Variants in BRIP1 observed in about 807,000 individuals in gnomAD.
BRIP1 encodes Fanconi anemia group J protein.
Under a neutral mutation model 119.7 loss-of-function variants are expected in BRIP1, and 88 were observed. The observed-to-expected ratio is 0.74, with a 90% CI of 0.62 to 0.88. The LOEUF (loss-of-function observed/expected upper bound fraction) is 0.88, where lower values mean the gene tolerates loss of function less well. BRIP1 is among the 40% of genes least tolerant of loss of function. BRIP1 has a pLI of 0.00. For missense variants in BRIP1, 1,259 were observed against 1,455.4 expected (o/e 0.87, Z 2.20); for synonymous variants, 443 against 496.5 (o/e 0.89, Z 1.43).
Position 61,739,879 on chromosome 17 carries a change from A to G in BRIP1, c.2379+3134T>C, listed in dbSNP as rs1367252431. 1.3e-5 allele frequency among the ~76,000 whole-genome samples: 2 copies of G among 152,206 alleles called. No homozygotes were observed. The highest frequency in any genetic ancestry group is 2.9e-5 in the Non-Finnish European group (2 of 68,030). On this transcript the variant is annotated intron_variant, in intron 16 of 19. Transcript: ENST00000259008. The surrounding 1 kb of genome is among the most constrained non-coding windows in gnomAD (Gnocchi z 6.0). ...CAACTTAGGCTCAAATTATTACTAT[A>G]GTTTTTCAAATATATTGTTTAGGAA... is the stretch of plus-strand genomic sequence containing the variant.
intron 17 of BRIP1, among the ~76,000 whole-genome samples, chr17:61,702,863 C>A (rs1314790559): frequency 6.6e-6 from 1 of 152,016 alleles, no homozygotes; most frequent in Non-Finnish European, 1.5e-5. Context: ...TCTGCTTTAA[C>A]TTCTTTCAGA....
intron 18 of BRIP1, among the ~76,000 whole-genome samples, chr17:61,688,750 C>A: frequency 6.9e-6 from 1 of 145,604 alleles, no homozygotes. Context: ...CAGAAACCAA[C>A]CCTTAAAAAA....
Position 61,852,610 on chromosome 17 carries a change from G to A in BRIP1, c.380-3354C>T, listed in dbSNP as rs1473074187. ...TTGAGCCTGGGAGCTGGCCAGTGCA[G>A]TGAGTTGAGATCGCACCACTGCACT... On this transcript the variant is annotated intron_variant, in intron 4 of 19. Coordinates refer to ENST00000259008, the MANE Select transcript of BRIP1 (RefSeq NM_032043.3). This position sits in a 1 kb window ranked among gnomAD's most constrained non-coding sequence, Gnocchi z 4.9. Among the ~76,000 whole-genome samples, 2 of 152,186 alleles carry A rather than the reference G, an allele frequency of 1.3e-5. No homozygotes were observed. Among genetic ancestry groups the A allele is most frequent in the African/African-American group, 4.8e-5 (2 of 41,448 alleles).
chr17:61,720,187 A>T lies in BRIP1; in HGVS notation c.2380-4124T>A, dbSNP rs1326787572. Among the ~76,000 whole-genome samples, 7 of 152,176 alleles carry T rather than the reference A, an allele frequency of 4.6e-5. No individual in the cohort carries two copies. The highest frequency in any genetic ancestry group is 4.6e-4 in the Admixed American group (7 of 15,264). On this transcript the variant is annotated intron_variant, in intron 16 of 19. Transcript: ENST00000259008. This position sits in a 1 kb window ranked among gnomAD's most constrained non-coding sequence, Gnocchi z 4.3. ...CAGCTAGATAGAAGGAATAAGTTCT[A>T]ATCTTTTATACCACAGTAGGATGAC...
rs2078204016 is a variant in BRIP1 at position 61,814,128 on chromosome 17, A to C, written c.628-5371T>G. Among the ~76,000 whole-genome samples the C allele has an allele frequency of 6.6e-6, 1 of 152,112 alleles. No homozygotes were observed. The highest frequency in any genetic ancestry group is 6.5e-5 in the Admixed American group (1 of 15,268). ...TCAGCAAAAGAGCCAGACAGTAAAC[A>C]TTTCAAGCTTCAAAGGCTATATGGT... On this transcript the variant is annotated intron_variant, in intron 6 of 19. Coordinates refer to ENST00000259008, the MANE Select transcript of BRIP1 (RefSeq NM_032043.3). This position sits in a 1 kb window ranked among gnomAD's most constrained non-coding sequence, Gnocchi z 4.9.
At chr17:61,858,378 T>C (rs72843737) in intron 3 of BRIP1, among the ~76,000 whole-genome samples, 9,863 of 151,312 alleles carry the variant, frequency 0.065, 550 homozygotes, top group South Asian at 0.3. Flanking sequence ...ATTTACTGTT[T>C]TTTTTTTTTT....
In BRIP1 at chr17:61,691,406, C is replaced by A. The variant is rs1425921934; in HGVS notation, c.2575+2024G>T. Among the ~76,000 whole-genome samples, 3 of 151,982 alleles carry A rather than the reference C, an allele frequency of 2.0e-5. No individual in the cohort carries two copies. The highest frequency in any genetic ancestry group is 7.2e-5 in the African/African-American group (3 of 41,380). ...ATAACACAAATAAATGGAAAGATATCCCATGTTCACAGATTGGAACACCTA... is the reference window on the plus strand; with the variant it reads ...ATAACACAAATAAATGGAAAGATATACCATGTTCACAGATTGGAACACCTA... On this transcript the variant is annotated intron_variant, in intron 18 of 19. Transcript: ENST00000259008. This position sits in a 1 kb window ranked among gnomAD's most constrained non-coding sequence, Gnocchi z 5.0.
intron 6 of BRIP1, among the ~76,000 whole-genome samples, chr17:61,819,225 A>T (rs1251098446): frequency 1.3e-5 from 2 of 152,150 alleles, no homozygotes; most frequent in African/African-American, 4.8e-5. Flanking sequence ...AACACAAGCA[A>T]TAACAAATGC....
At chr17:61,711,534 A>G (rs11654606) in intron 17 of BRIP1, among the ~76,000 whole-genome samples, 51,345 of 151,884 alleles carry the variant, frequency 0.34, 8,893 homozygotes, top group East Asian at 0.49. Flanking sequence ...GACCTGAATC[A>G]CTCAGTTTGA....
rs2076979605 is a variant in BRIP1 at position 61,740,979 on chromosome 17, T to C, written c.2379+2034A>G. 6.6e-6 allele frequency among the ~76,000 whole-genome samples: 1 copy of C among 152,218 alleles called. No individual in the cohort carries two copies. Among genetic ancestry groups the C allele is most frequent in the African/African-American group, 2.4e-5 (1 of 41,456 alleles). On this transcript the variant is annotated intron_variant, in intron 16 of 19. Coordinates refer to ENST00000259008, the MANE Select transcript of BRIP1 (RefSeq NM_032043.3). This position sits in a 1 kb window ranked among gnomAD's most constrained non-coding sequence, Gnocchi z 5.4. The stretch of plus-strand genomic sequence containing the variant: ...CAATAGATTTCTCTGTGGCATAAGA[T>C]GCTCTTTGATAGCATTTTACCCAAC...
At chr17:61,819,275 T>G (rs1421846316) in intron 6 of BRIP1, among the ~76,000 whole-genome samples, 2 of 151,990 alleles carry the variant, frequency 1.3e-5, no homozygotes, top group African/African-American at 4.8e-5. Context: ...CATACACCGT[T>G]GGTGGGAATG....
chr17:61,711,018 A>T (rs1603290791), intron 17 of BRIP1, among the ~76,000 whole-genome samples: 1 of 144,436 alleles, frequency 6.9e-6, no homozygotes, highest in African/African-American at 2.5e-5. Context: ...TGGGCGACAG[A>T]GCGAGACTCC....
rs1357467642 is a variant in BRIP1 at position 61,705,816 on chromosome 17, A to G, written c.2492+10135T>C. ...AAACTTGCTGTTTTGCCTGTGGATTATTTAGAAATATGCTGCTTAATTTCC... is the reference window on the plus strand; with the variant it reads ...AAACTTGCTGTTTTGCCTGTGGATTGTTTAGAAATATGCTGCTTAATTTCC... On this transcript the variant is annotated intron_variant, in intron 17 of 19. Transcript: ENST00000259008. This position sits in a 1 kb window ranked among gnomAD's most constrained non-coding sequence, Gnocchi z 5.0. 6.6e-6 allele frequency among the ~76,000 whole-genome samples: 1 copy of G among 152,250 alleles called. No homozygotes were observed. The highest frequency in any genetic ancestry group is 1.5e-5 in the Non-Finnish European group (1 of 67,986).
Position 61,846,226 on chromosome 17 carries a change from TAGAG to T in BRIP1, c.627+871_627+874del, listed in dbSNP as rs922141689. Among the ~76,000 whole-genome samples, 32 of 141,044 alleles carry T rather than the reference TAGAG, an allele frequency of 2.3e-4. No homozygotes were observed. The highest frequency in any genetic ancestry group is 4.0e-4 in the East Asian group (2 of 5,036). 92.5% of individuals were successfully genotyped at this position (141,044 alleles called of 152,430 possible). On this transcript the variant is annotated intron_variant, in intron 6 of 19. Coordinates refer to ENST00000259008, the MANE Select transcript of BRIP1 (RefSeq NM_032043.3). The surrounding 1 kb of genome is among the most constrained non-coding windows in gnomAD (Gnocchi z 4.3). ...ATAAATTTAAAAAATTATATACATA[TAGAG>T]AGAGAGAGAGAGAAAAAGAGAGAGA...
At position 61,775,920 on chromosome 17, in the gene BRIP1, G is replaced by C. The variant is rs1270110174; in HGVS notation, c.2097+481C>G. 1 of 168,416 alleles carries C rather than the reference G, an allele frequency of 5.9e-6. No individual in the cohort carries two copies. Among genetic ancestry groups the C allele is most frequent in the Non-Finnish European group, 1.3e-5 (1 of 77,378 alleles). 10.4% of individuals were successfully genotyped at this position (168,416 alleles called of 1,614,324 possible). A position where few individuals can be genotyped will look rare whatever the true frequency, so the allele number is the denominator to read the frequency against. On this transcript the variant is annotated intron_variant, in intron 14 of 19. Coordinates refer to ENST00000259008, the MANE Select transcript of BRIP1 (RefSeq NM_032043.3). The surrounding 1 kb of genome is among the most constrained non-coding windows in gnomAD (Gnocchi z 4.4). The stretch of plus-strand genomic sequence containing the variant: ...TTTATTTTAGAGAGAGTCTTATTCT[G>C]TTGCCCACGCTGGAGTGCAGGGGTG...
In BRIP1 at chr17:61,684,571, A is replaced by C. The variant is rs1158652366; in HGVS notation, c.2906-431T>G. ...TGACATAAGGCTAAGTTATTTGCTC[A>C]AAGTTATAAAACTGGTTAGTAAGAA... On this transcript the variant is annotated intron_variant, in intron 19 of 19. Transcript: ENST00000259008. The surrounding 1 kb of genome is among the most constrained non-coding windows in gnomAD (Gnocchi z 4.5). Among the ~76,000 whole-genome samples the C allele has an allele frequency of 6.6e-6, 1 of 152,200 alleles. No homozygotes were observed. Among genetic ancestry groups the C allele is most frequent in the Non-Finnish European group, 1.5e-5 (1 of 68,028 alleles).
Position 61,770,224 on chromosome 17 carries a change from G to A in BRIP1, c.2097+6177C>T, listed in dbSNP as rs1168502864. Among the ~76,000 whole-genome samples, 3 of 152,184 alleles carry A rather than the reference G, an allele frequency of 2.0e-5. No homozygotes were observed. Among genetic ancestry groups the A allele is most frequent in the Non-Finnish European group, 4.4e-5 (3 of 68,038 alleles). ...AGGGACACAGTCATGCTAAAAGACT[G>A]AGACATAATCATAGGATTAGAAGAT... On this transcript the variant is annotated intron_variant, in intron 14 of 19. Coordinates refer to ENST00000259008, the MANE Select transcript of BRIP1 (RefSeq NM_032043.3). This position sits in a 1 kb window ranked among gnomAD's most constrained non-coding sequence, Gnocchi z 4.7.
In BRIP1 at chr17:61,856,552, T is replaced by G. The variant is rs537136174; in HGVS notation, c.379+506A>C. Reference sequence around the variant, plus strand: ...AGCCAAAAGCAGGTGAAATATTTTTTAAATATATTATTAATAATCTTATGT... The same window carrying G: ...AGCCAAAAGCAGGTGAAATATTTTTGAAATATATTATTAATAATCTTATGT... On this transcript the variant is annotated intron_variant, in intron 4 of 19. Coordinates refer to ENST00000259008, the MANE Select transcript of BRIP1 (RefSeq NM_032043.3). The surrounding 1 kb of genome is among the most constrained non-coding windows in gnomAD (Gnocchi z 5.1). 1.0e-3 allele frequency among the ~76,000 whole-genome samples: 152 copies of G among 152,242 alleles called. No individual in the cohort carries two copies. Among genetic ancestry groups the G allele is most frequent in the East Asian group, 6.0e-3 (31 of 5,190 alleles).
rs1555607082 is a variant in BRIP1, at chr17:61,799,155, T to C, written c.1285A>G (p.Asn429Asp). The C allele has an allele frequency of 2.5e-6, 4 of 1,613,742 alleles. No individual in the cohort carries two copies. The highest frequency in any genetic ancestry group is 3.4e-6 in the Non-Finnish European group (4 of 1,179,718). The change falls in exon 9 of 20, where the codon AAT becomes GAT. Residue 429 changes from asparagine to aspartate, a missense_variant. Asn to Asp is a conservative substitution (Grantham distance 23, BLOSUM62 1). Transcript: ENST00000259008. The surrounding 1 kb of genome is among the most constrained non-coding windows in gnomAD (Gnocchi z 5.1). ...GGTTCATGATCTTTCTTCCTTATAT[T>C]ATTGTTGACCATACTATCTAGTTCA... Reference protein sequence around the residue: ...RDELDSMVNNNIRKKDHEPLR... With the variant: ...RDELDSMVNNDIRKKDHEPLR...
Sources: allele counts gnomAD v4.1 joint callset (sites outside exome capture counted in the v4.1 genomes callset), GRCh38; gene constraint gnomAD v4.1.1; non-coding constraint Gnocchi (gnomAD v3.1); transcripts MANE v1.5; gene names NCBI Gene and HGNC (gene_info 2026-07-23, HGNC 2026-07-21).